MAIP1: variants seen among roughly 807,000 people sequenced by gnomAD.
MAIP1 encodes the protein m-AAA protease-interacting protein 1, mitochondrial.
MAIP1 carries 28 observed loss-of-function variants against 31.2 expected under a neutral mutation model. That is an observed-to-expected ratio of 0.90 (90% confidence interval 0.67 to 1.23). The LOEUF is 1.23. Ranked by LOEUF, MAIP1 falls within the 50% of genes most tolerant of loss-of-function variation. The pLI is 0.00. For synonymous variants in MAIP1, 142 were observed against 142.3 expected (o/e 1.00, Z 0.02); for missense variants, 339 against 356.0 (o/e 0.95, Z 0.38).
At chr2:199,957,473 C>T (rs2077614093) in intron 1 of MAIP1, among the ~76,000 whole-genome samples, 1 of 152,132 alleles carries the variant, frequency 6.6e-6, no homozygotes, top group Admixed American at 6.5e-5. Flanking sequence ...GCCTTAAAAC[C>T]ATGCTATTGG....
intron 1 of MAIP1, among the ~76,000 whole-genome samples, chr2:199,956,875 T>C (rs1320190498): frequency 6.6e-6 from 1 of 152,180 alleles, no homozygotes; most frequent in East Asian, 1.9e-4. Flanking sequence ...GGTGGCTAAG[T>C]GCACAGCACC....
At position 199,955,883 on chromosome 2, in the gene MAIP1, G is replaced by A. The variant is rs773932475; in HGVS notation, c.85G>A (p.Val29Met). 22 of 1,560,466 alleles carry A rather than the reference G, an allele frequency of 1.4e-5. No individual in the cohort carries two copies. The highest frequency in any genetic ancestry group is 1.8e-5 in the Non-Finnish European group (21 of 1,153,068). ...CGAVRLRTPA[V>M]AEVRLPSATL... ...GGCCGTCCGACTCCGGACTCCTGCT[G>A]TGGCCGAGGTGAGGCTGCCGTCGGC... Residue 29 changes from valine to methionine, a missense_variant, in exon 1 of 5, where the codon GTG becomes ATG. Physicochemically the swap from Val to Met is conservative, Grantham distance 21. Coordinates refer to ENST00000392290, the MANE Select transcript of MAIP1 (RefSeq NM_001394955.1).
Position 199,959,777 on chromosome 2 carries a change from G to T in MAIP1, c.546G>T (p.Lys182Asn). Residue 182 changes from lysine to asparagine, a missense_variant, in exon 3 of 5, where the codon AAG becomes AAT. Physicochemically the swap from Lys to Asn is moderately conservative, Grantham distance 94. Transcript: ENST00000392290. ...AGGTGCTACATGCATTGAAAGAAAAGGTTACTTCACTACCTGACAACCATA... is the reference window on the plus strand; with the variant it reads ...AGGTGCTACATGCATTGAAAGAAAATGTTACTTCACTACCTGACAACCATA... The part of the protein sequence containing the change: ...AKEVLHALKE[K>N]VTSLPDNHKN... 1 of 1,612,418 alleles carries T rather than the reference G, an allele frequency of 6.2e-7. No homozygotes were observed. Among genetic ancestry groups the T allele is most frequent in the Middle Eastern group, 1.7e-4 (1 of 6,058 alleles).
At chr2:199,955,407 G>T (rs764378011), upstream of MAIP1, 1 of 1,613,778 alleles carries the variant, frequency 6.2e-7, no homozygotes, top group African/African-American at 1.3e-5. Context: ...GGGTAGAGGT[G>T]CTGCATGAAC....
At chr2:199,962,507 A>T (rs1328893805) in intron 4 of MAIP1, among the ~76,000 whole-genome samples, 1 of 152,212 alleles carries the variant, frequency 6.6e-6, no homozygotes, top group Non-Finnish European at 1.5e-5. Context: ...CCAGAATTAG[A>T]ACATCAGTTC....
Position 199,960,738 on chromosome 2 carries a change from G to C in MAIP1, c.649+858G>C, listed in dbSNP as rs184078519. Among the ~76,000 whole-genome samples, 33 of 152,190 alleles carry C rather than the reference G, an allele frequency of 2.2e-4. 1 individual carries two copies. The East Asian group carries it at 6.0e-3, about 28-fold the overall frequency. On this transcript the variant is annotated intron_variant, in intron 3 of 4. Transcript: ENST00000392290. ...GCATCTGTGGATTTTGGTATCCACA[G>C]GGGGGTCCTGGAACCAATCCTCCGT...
At chr2:199,958,250 A>G (rs2077618287) in intron 1 of MAIP1, among the ~76,000 whole-genome samples, 1 of 152,070 alleles carries the variant, frequency 6.6e-6, no homozygotes, top group Non-Finnish European at 1.5e-5. Context: ...CTCTTACTCC[A>G]CATTTGCTCC....
intron 1 of MAIP1, among the ~76,000 whole-genome samples, chr2:199,958,189 T>G (rs1213092943): frequency 6.6e-6 from 1 of 152,208 alleles, no homozygotes; most frequent in Non-Finnish European, 1.5e-5. Context: ...GATGGCCGTC[T>G]TCTTGCTGTG....
At position 199,956,113 on chromosome 2, in the gene MAIP1, C is replaced by T. The variant is rs546077807; in HGVS notation, c.315C>T (p.His105=). ...SYSTEEKPQQ[H]QKTKMIVLGF... ...GCACGGAGGAGAAGCCCCAGCAGCA[C>T]CAGAAAACCAAGATGATCGTCCTGG... The change falls in exon 1 of 5, where the codon CAC becomes CAT. Residue 105 remains histidine, a synonymous_variant. Transcript: ENST00000392290. 8.1e-6 allele frequency: 13 copies of T among 1,614,208 alleles called. No homozygotes were observed. The South Asian group carries it at 1.2e-4, about 15-fold the overall frequency.
chr2:199,959,942 G>T, intron 3 of MAIP1, 62 bp downstream of exon 3: 1 of 1,453,256 alleles, frequency 6.9e-7, no homozygotes, highest in South Asian at 1.3e-5. Flanking sequence ...CTAAACTAGT[G>T]GATAATCACA....
chr2:199,961,660 G>A, intron 3 of MAIP1, 121 bp from the exon 4 acceptor site: 2 of 776,000 alleles, frequency 2.6e-6, no homozygotes, highest in Non-Finnish European at 4.1e-6. Flanking sequence ...ATCAGAATAA[G>A]CACAAAATTT....
Position 199,959,329 on chromosome 2 carries a change from T to C in MAIP1, c.512T>C (p.Val171Ala), listed in dbSNP as rs2077624106. The change falls in exon 2 of 5, where the codon GTG becomes GCG. Residue 171 changes from valine (V) to alanine (A), a missense_variant. By Grantham distance (64) the Val-to-Ala change is moderately conservative (BLOSUM62 0). Transcript: ENST00000392290. Reference protein sequence around the residue: ...QCKFDLLEELVAKEVLHALKE... With the variant: ...QCKFDLLEELAAKEVLHALKE... Reference sequence around the variant, plus strand: ...AAATTTGATCTGTTGGAAGAACTTGTGGCCAAAGAGGTAAAGTATATTTTA... The same window carrying C: ...AAATTTGATCTGTTGGAAGAACTTGCGGCCAAAGAGGTAAAGTATATTTTA... 1 of 1,571,404 alleles carries C rather than the reference T, an allele frequency of 6.4e-7. No individual in the cohort carries two copies. Among genetic ancestry groups the C allele is most frequent in the Non-Finnish European group, 8.8e-7 (1 of 1,141,362 alleles).
In MAIP1 at chr2:199,963,837, AC is replaced by A. The variant is rs1490632329; in HGVS notation, c.*27del. On this transcript the variant is annotated 3_prime_UTR_variant, in exon 5 of 5. Transcript: ENST00000392290. Reference sequence around the variant, plus strand: ...TTTTCTTGGAAAAATCAGCTTATGGACTTTAGCAGTTGCTGTGAAAAACTAA... The same window carrying A: ...TTTTCTTGGAAAAATCAGCTTATGGATTTAGCAGTTGCTGTGAAAAACTAA... The A allele has an allele frequency of 6.8e-7, 1 of 1,481,178 alleles. No individual in the cohort carries two copies. Among genetic ancestry groups the A allele is most frequent in the African/African-American group, 1.4e-5 (1 of 71,834 alleles). The allele number at this position is 1,481,178 out of a possible 1,614,324, so 91.8% of individuals were successfully genotyped here.
At chr2:199,958,639 T>C (rs1254969416) in intron 1 of MAIP1, among the ~76,000 whole-genome samples, 1 of 152,230 alleles carries the variant, frequency 6.6e-6, no homozygotes, top group African/African-American at 2.4e-5. Context: ...TTTTCCCATG[T>C]AGACTGAAAG....
In MAIP1 at chr2:199,963,862, A is replaced by G. The variant is rs771513291; in HGVS notation, c.*51A>G. On this transcript the variant is annotated 3_prime_UTR_variant, in exon 5 of 5. Transcript: ENST00000392290. Reference sequence around the variant, plus strand: ...ACTTTAGCAGTTGCTGTGAAAAACTAAGGAAGAAAAATTTTGGGGTCATTT... The same window carrying G: ...ACTTTAGCAGTTGCTGTGAAAAACTGAGGAAGAAAAATTTTGGGGTCATTT... 5.1e-6 allele frequency: 6 copies of G among 1,171,254 alleles called. No individual in the cohort carries two copies. The highest frequency in any genetic ancestry group is 3.1e-5 in the African/African-American group (2 of 64,936). The allele number at this position is 1,171,254 out of a possible 1,614,324, so 72.6% of individuals were successfully genotyped here.
At chr2:199,956,854 T>A (rs1466158561) in intron 1 of MAIP1, among the ~76,000 whole-genome samples, 1 of 152,194 alleles carries the variant, frequency 6.6e-6, no homozygotes, top group Non-Finnish European at 1.5e-5. Context: ...AAGGATTTGC[T>A]GAGACTGCCT....
chr2:199,959,256 A>G lies in MAIP1; in HGVS notation c.451-12A>G. The G allele has an allele frequency of 6.8e-7, 1 of 1,470,646 alleles. No individual in the cohort carries two copies. The highest frequency in any genetic ancestry group is 9.5e-7 in the Non-Finnish European group (1 of 1,050,224). The allele number at this position is 1,470,646 out of a possible 1,614,324, so 91.1% of individuals were successfully genotyped here. ...TAATAATCCCCACACTTCCCTTAATATTTTTTTCAAGGCTTTTGCTCATGT... is the reference window on the plus strand; with the variant it reads ...TAATAATCCCCACACTTCCCTTAATGTTTTTTTCAAGGCTTTTGCTCATGT... On this transcript the variant is annotated splice_polypyrimidine_tract_variant and intron_variant, in intron 1 of 4. Transcript: ENST00000392290.
chr2:199,961,397 G>C (rs1361965102), intron 3 of MAIP1, among the ~76,000 whole-genome samples: 1 of 152,094 alleles, frequency 6.6e-6, no homozygotes, highest in Non-Finnish European at 1.5e-5. Context: ...CTGGGAGGCG[G>C]AAGTTGCAGT....
At chr2:199,962,337 G>A (rs2077641292) in intron 4 of MAIP1, among the ~76,000 whole-genome samples, 1 of 152,190 alleles carries the variant, frequency 6.6e-6, no homozygotes, top group South Asian at 2.1e-4. Context: ...CGCATGGGTG[G>A]CACCTTGGTA....
Sources: allele counts gnomAD v4.1 joint callset (sites outside exome capture counted in the v4.1 genomes callset), GRCh38; gene constraint gnomAD v4.1.1; transcripts MANE v1.5; gene names NCBI Gene and HGNC (gene_info 2026-07-23, HGNC 2026-07-21).